CCT4: variants seen among roughly 807,000 people sequenced by gnomAD.
CCT4 encodes T-complex protein 1 subunit delta.
Under a neutral mutation model 62.5 loss-of-function variants are expected in CCT4, and 17 were observed. The ratio of observed to expected loss-of-function variants is 0.27; its 90% CI spans 0.19 to 0.41. The LOEUF (loss-of-function observed/expected upper bound fraction) is 0.41. CCT4 is among the 10% of genes least tolerant of loss of function. The pLI is 1.00. For synonymous variants in CCT4, 250 were observed against 229.9 expected, an observed-to-expected ratio of 1.09 and a Z score of -0.79; for missense variants, 592 against 659.2, an observed-to-expected ratio of 0.90 and a Z score of 1.12.
At chr2:61,882,642 G>A (rs1669144220) in intron 3 of CCT4, among the ~76,000 whole-genome samples, 1 of 151,888 alleles carries the variant, frequency 6.6e-6, no homozygotes, top group African/African-American at 2.4e-5. Flanking sequence ...CTGAGTAGCT[G>A]AGACCACAGG....
At chr2:61,886,280 C>T (rs1481390783) in intron 1 of CCT4, among the ~76,000 whole-genome samples, 1 of 152,102 alleles carries the variant, frequency 6.6e-6, no homozygotes, top group East Asian at 1.9e-4. Context: ...TGGCGGTGCG[C>T]ATCTGTAGTC....
chr2:61,887,210 A>C (rs1459603957), intron 1 of CCT4, among the ~76,000 whole-genome samples: 2 of 152,194 alleles, frequency 1.3e-5, no homozygotes, highest in Non-Finnish European at 2.9e-5. Context: ...TGACCTTTCC[A>C]ACTCATTAGG....
chr2:61,885,082 G>GC lies in CCT4; in HGVS notation c.128-11_128-10insG. 2 of 1,436,040 alleles carry GC rather than the reference G, an allele frequency of 1.4e-6. No individual in the cohort carries two copies. Among genetic ancestry groups the GC allele is most frequent in the East Asian group, 2.6e-5 (1 of 39,054 alleles). 89.0% of individuals were successfully genotyped at this position (1,436,040 alleles called of 1,614,324 possible). A position where few individuals can be genotyped will look rare whatever the true frequency, so the allele number is the denominator to read the frequency against. On this transcript the variant is annotated splice_polypyrimidine_tract_variant and intron_variant, in intron 1 of 13. Transcript: ENST00000394440. ...ATAGCATCAGCAACCGCTGCAGATG[G>GC]GGGGGAAAAAAAAGAAAACAAATTA...
intron 4 of CCT4, among the ~76,000 whole-genome samples, chr2:61,879,501 T>C (rs1214895678): frequency 4.0e-5 from 6 of 148,312 alleles, no homozygotes; most frequent in Non-Finnish European, 7.4e-5. Flanking sequence ...TGGTCTCAAC[T>C]CCTTGGGCTC....
intron 1 of CCT4, among the ~76,000 whole-genome samples, chr2:61,886,564 G>A (rs201283144): frequency 6.6e-6 from 1 of 152,208 alleles, no homozygotes; most frequent in African/African-American, 2.4e-5. Context: ...GCCAAGGCAG[G>A]CCGTCACTTG....
Position 61,888,484 on chromosome 2 carries a change from C to A in CCT4, c.24G>T (p.Arg8=), listed in dbSNP as rs767859743. 2 of 1,611,982 alleles carry A rather than the reference C, an allele frequency of 1.2e-6. No individual in the cohort carries two copies. Among genetic ancestry groups the A allele is most frequent in the Non-Finnish European group, 1.7e-6 (2 of 1,179,270 alleles). The stretch of plus-strand genomic sequence containing the variant: ...CGGCAGCCCCGGCAGTCGCCCCGCT[C>A]CGGGGTGCCACATTCTCGGGCATGG... MPENVAP[R]SGATAGAAGG... The change falls in exon 1 of 14, where the codon CGG becomes CGT. Residue 8 remains arginine, a synonymous_variant. Transcript: ENST00000394440.
chr2:61,881,805 TATC>T (rs1453206782), intron 3 of CCT4, among the ~76,000 whole-genome samples: 1 of 152,254 alleles, frequency 6.6e-6, no homozygotes, highest in African/African-American at 2.4e-5. Context: ...AACATTTTCT[TATC>T]ATTGGATATT....
chr2:61,884,267 CCT>C (rs1209236954), intron 2 of CCT4, among the ~76,000 whole-genome samples: 4 of 152,134 alleles, frequency 2.6e-5, no homozygotes, highest in Admixed American at 1.3e-4. Context: ...TCCAAAGTAA[CCT>C]CTCCTTCCTC....
At chr2:61,878,739 C>T in intron 5 of CCT4, 130 bp downstream of exon 5, 1 of 550,538 alleles carries the variant, frequency 1.8e-6, no homozygotes, top group South Asian at 3.5e-5. Flanking sequence ...TAAACCAATT[C>T]AATTATACAG....
intron 8 of CCT4, among the ~76,000 whole-genome samples, chr2:61,875,430 A>G (rs529545530): frequency 1.3e-3 from 195 of 151,772 alleles, no homozygotes; most frequent in Non-Finnish European, 2.2e-3. Context: ...AATACAAAAA[A>G]TTAGCCAGGT....
chr2:61,869,636 G>A, intron 12 of CCT4, 83 bp from the exon 13 acceptor site: 4 of 752,288 alleles, frequency 5.3e-6, no homozygotes, highest in South Asian at 4.3e-5. Flanking sequence ...TGTACCTCAA[G>A]ACCTAAATCT....
chr2:61,871,982 T>TA, intron 12 of CCT4, 100 bp downstream of exon 12: 1 of 795,004 alleles, frequency 1.3e-6, no homozygotes, highest in Non-Finnish European at 2.0e-6. Flanking sequence ...AATCCAAGAT[T>TA]ATGCTTTTCA....
At chr2:61,887,716 G>A (rs1391471226) in intron 1 of CCT4, among the ~76,000 whole-genome samples, 2 of 152,214 alleles carry the variant, frequency 1.3e-5, no homozygotes, top group African/African-American at 2.4e-5. Context: ...AACGGAAGCA[G>A]AGAATGAAAC....
chr2:61,885,111 C>CG (rs1669219722), intron 1 of CCT4, 39 bp from the exon 2 acceptor site: 9 of 1,224,892 alleles, frequency 7.3e-6, no homozygotes, highest in Non-Finnish European at 8.7e-6. Flanking sequence ...CAAATTAGAA[C>CG]TTTTTTTTTT....
intron 12 of CCT4, among the ~76,000 whole-genome samples, chr2:61,871,029 T>C (rs533554489): frequency 1.3e-5 from 2 of 149,762 alleles, no homozygotes; most frequent in African/African-American, 4.9e-5. Flanking sequence ...ATTCTATTAA[T>C]AGTTTTTTTT....
At chr2:61,877,593 G>C (rs1467082936) in intron 5 of CCT4, 79 bp from the exon 6 acceptor site, 1 of 1,120,812 alleles carries the variant, frequency 8.9e-7, no homozygotes, top group East Asian at 2.6e-5. Flanking sequence ...AGATACTTAA[G>C]AAAGACTCTT....
rs200876634 is a variant in CCT4 at position 61,875,229 on chromosome 2, T to TA, written c.917+865dup. ...CTGCAAGGAAAAATAATGATACTGC[T>TA]AAAAAAAAAAATGCAGATTTCTGGT... On this transcript the variant is annotated intron_variant, in intron 8 of 13. Transcript: ENST00000394440. Among the ~76,000 whole-genome samples the TA allele has an allele frequency of 3.2e-3, 472 of 146,058 alleles. 1 individual carries two copies. Among genetic ancestry groups the TA allele is most frequent in the Non-Finnish European group, 5.3e-3 (350 of 66,440 alleles).
intron 8 of CCT4, among the ~76,000 whole-genome samples, chr2:61,875,411 T>C (rs1287217878): frequency 6.6e-6 from 1 of 151,384 alleles, no homozygotes; most frequent in East Asian, 2.0e-4. Context: ...ACCCCATCTC[T>C]ACTCAAAAAA....
chr2:61,877,074 G>C (rs1572919530), intron 6 of CCT4, 22 bp from the exon 7 acceptor site: 2 of 1,608,134 alleles, frequency 1.2e-6, no homozygotes, highest in Non-Finnish European at 1.7e-6. Flanking sequence ...AGAAAACAAA[G>C]AGGGGTAGTT....
Sources: allele counts gnomAD v4.1 joint callset (sites outside exome capture counted in the v4.1 genomes callset), GRCh38; gene constraint gnomAD v4.1.1; transcripts MANE v1.5; gene names NCBI Gene and HGNC (gene_info 2026-07-23, HGNC 2026-07-21).